HLA-DRB5: variants seen among roughly 807,000 people sequenced by gnomAD.
HLA-DRB5 encodes the protein DR beta-5.
A neutral mutation model predicts 22.4 loss-of-function variants in HLA-DRB5; 11 were observed. The ratio of observed to expected loss-of-function variants is 0.49; its 90% CI spans 0.31 to 0.81. The LOEUF is 0.81. Among genes scored for constraint, HLA-DRB5 ranks in the 40% least tolerant of loss-of-function variants. The probability of loss-of-function intolerance (pLI) is 0.05; values close to 1 mark genes in which losing one functional copy is unlikely to be tolerated. For synonymous variants in HLA-DRB5, 57 were observed against 106.0 expected (o/e 0.54, Z 2.84); for missense variants, 106 against 274.4 (o/e 0.39, Z 4.34).
At position 32,530,133 on chromosome 6, in the gene HLA-DRB5, T is replaced by G; in HGVS notation, c.92A>C (p.Asp31Ala). The change falls in exon 1 of 6, where the codon GAC becomes GCC. Residue 31 changes from aspartate (D) to alanine (A), a missense_variant. Physicochemically the swap from Asp to Ala is moderately radical, Grantham distance 126. Transcript: ENST00000374975. ...CCACAATGTGCACTTACGTCGGGTG[T>G]CCCCAGCCAAAGCCAGTGGGGAGCT... is the stretch of plus-strand genomic sequence containing the variant. ...VLSSPLALAG[D>A]TRPRFLQQDK... 1 of 1,505,288 alleles carries G rather than the reference T, an allele frequency of 6.6e-7. No individual in the cohort carries two copies. Among genetic ancestry groups the G allele is most frequent in the Non-Finnish European group, 9.0e-7 (1 of 1,110,650 alleles). The allele number at this position is 1,505,288 out of a possible 1,614,324, so 93.2% of individuals were successfully genotyped here. A position where few individuals can be genotyped will look rare whatever the true frequency, so the allele number is the denominator to read the frequency against.
intron 1 of HLA-DRB5, among the ~76,000 whole-genome samples, chr6:32,526,422 C>G (rs796136636): frequency 0.024 from 662 of 28,158 alleles, 324 homozygotes; most frequent in Admixed American, 0.034. Flanking sequence ...AGACAATCTC[C>G]CTATGTAACC....
At position 32,523,831 on chromosome 6, in the gene HLA-DRB5, A is replaced by G. The variant is rs1351437603; in HGVS notation, c.101-1657T>C. Among the ~76,000 whole-genome samples, 2 of 114,172 alleles carry G rather than the reference A, an allele frequency of 1.8e-5. 1 individual carries two copies. The highest frequency in any genetic ancestry group is 5.9e-5 in the African/African-American group (2 of 33,812). The allele number at this position is 114,172 out of a possible 152,430, so 74.9% of individuals were successfully genotyped here. ...AGATGTGAGTCTAGAATTTTCAGAA[A>G]GAGCACAGTGTGAAACAGTGCTCTC... On this transcript the variant is annotated intron_variant, in intron 1 of 5. Coordinates refer to ENST00000374975, the MANE Select transcript of HLA-DRB5 (RefSeq NM_002125.4).
chr6:32,527,633 T>C (rs1769760320), intron 1 of HLA-DRB5, among the ~76,000 whole-genome samples: 1 of 41,210 alleles, frequency 2.4e-5, no homozygotes. Context: ...TCCCAGCACT[T>C]TGGGAGTCTC....
rs1328703513 is a variant in HLA-DRB5 at position 32,527,101 on chromosome 6, A to AGCCATGT, written c.100+3023_100+3024insACATGGC. Among the ~76,000 whole-genome samples the AGCCATGT allele has an allele frequency of 5.2e-3, 264 of 50,838 alleles. 2 individuals are homozygous for AGCCATGT. The highest frequency in any genetic ancestry group is 0.029 in the Middle Eastern group (2 of 68). 33.4% of individuals were successfully genotyped at this position (50,838 alleles called of 152,430 possible). On this transcript the variant is annotated intron_variant, in intron 1 of 5. Coordinates refer to ENST00000374975, the MANE Select transcript of HLA-DRB5 (RefSeq NM_002125.4). ...ACTGTCTTTATCACTAGTGAACTCA[A>AGCCATGT]GCCTATTTTCCCTGAGGATTCCCTG...
intron 2 of HLA-DRB5, among the ~76,000 whole-genome samples, chr6:32,521,219 A>T (rs73726172): frequency 1.0e-3 from 13 of 12,678 alleles, no homozygotes; most frequent in East Asian, 2.0e-3. Context: ...AAATAGTAAC[A>T]GTGTATTAAA....
At position 32,521,955 on chromosome 6, in the gene HLA-DRB5, T is replaced by A. The variant is rs1064677; in HGVS notation, c.320A>T (p.Tyr107Phe). The A allele has an allele frequency of 0.074, 98,674 of 1,339,688 alleles. 12,728 individuals are homozygous for A. Among genetic ancestry groups the A allele is most frequent in the East Asian group, 0.14 (5,474 of 40,078 alleles). 83.0% of individuals were successfully genotyped at this position (1,339,688 alleles called of 1,614,324 possible). A position where few individuals can be genotyped will look rare whatever the true frequency, so the allele number is the denominator to read the frequency against. The change falls in exon 2 of 6, where the codon TAC becomes TTC. Residue 107 changes from tyrosine to phenylalanine, a missense_variant. Coordinates refer to ENST00000374975, the MANE Select transcript of HLA-DRB5 (RefSeq NM_002125.4). Reference protein sequence around the residue: ...LEDRRAAVDTYCRHNYGVGES... With the variant: ...LEDRRAAVDTFCRHNYGVGES... ...ACCAACCCCGTAGTTGTGTCTGCAG[T>A]AGGTGTCCACCGCGGCGCGCCTGTC...
chr6:32,519,148 A>AAAAAAAAAAG, intron 3 of HLA-DRB5, among the ~76,000 whole-genome samples: 3 of 86,820 alleles, frequency 3.5e-5, no homozygotes, highest in Admixed American at 1.2e-4. Flanking sequence ...GAGGTTCAAA[A>AAAAAAAAAAG]CAGGGACAGC....
intron 1 of HLA-DRB5, among the ~76,000 whole-genome samples, chr6:32,524,192 TGC>T: frequency 9.2e-6 from 1 of 108,844 alleles, no homozygotes; most frequent in Non-Finnish European, 1.9e-5. Flanking sequence ...ATAAAACGAA[TGC>T]TTTATAGAAT....
chr6:32,524,839 G>A (rs980722601), intron 1 of HLA-DRB5, among the ~76,000 whole-genome samples: 5,286 of 58,750 alleles, frequency 0.09, 1,143 homozygotes, highest in Middle Eastern at 0.12. Context: ...AGGATGCCCA[G>A]GTAAATCTGG....
At chr6:32,523,769 A>AAAG (rs1769248108) in intron 1 of HLA-DRB5, among the ~76,000 whole-genome samples, 1 of 32,104 alleles carries the variant, frequency 3.1e-5, no homozygotes, top group African/African-American at 1.4e-4. Context: ...AGCAAAAATA[A>AAAG]ACCATAAAGA....
At chr6:32,528,184 C>G (rs1302668135) in intron 1 of HLA-DRB5, among the ~76,000 whole-genome samples, 12,532 of 54,428 alleles carry the variant, frequency 0.23, 188 homozygotes, top group Middle Eastern at 0.3. Flanking sequence ...AAGTAGGGCT[C>G]TCTAGACATA....
chr6:32,524,857 A>G (rs188086129), intron 1 of HLA-DRB5, among the ~76,000 whole-genome samples: 2,134 of 50,330 alleles, frequency 0.042, 68 homozygotes, highest in East Asian at 0.098. Context: ...TGGATTTCCA[A>G]TAAATTGTGG....
intron 4 of HLA-DRB5, among the ~76,000 whole-genome samples, chr6:32,518,315 T>C (rs556705917): frequency 0.018 from 628 of 35,442 alleles, 1 homozygote; most frequent in Non-Finnish European, 0.024. Context: ...GCTCCAGGAT[T>C]TCAAACCAAA....
In HLA-DRB5 at chr6:32,521,894, AC is replaced by A. The variant is rs754809323; in HGVS notation, c.370+10del. The A allele has an allele frequency of 1.3e-6, 1 of 799,748 alleles. No homozygotes were observed. The highest frequency in any genetic ancestry group is 1.7e-5 in the South Asian group (1 of 58,784). 49.5% of individuals were successfully genotyped at this position (799,748 alleles called of 1,614,324 possible). The stretch of plus-strand genomic sequence containing the variant: ...CACAAGGACCCAGGCCCCGCCCCCC[AC>A]CATGCTCACCTCGCCGCTGCACTGT... On this transcript the variant is annotated intron_variant, in intron 2 of 5. Coordinates refer to ENST00000374975, the MANE Select transcript of HLA-DRB5 (RefSeq NM_002125.4).
At chr6:32,522,939 C>A (rs1769125585) in intron 1 of HLA-DRB5, among the ~76,000 whole-genome samples, 1 of 103,414 alleles carries the variant, frequency 9.7e-6, no homozygotes, top group Non-Finnish European at 2.0e-5. Context: ...TTAGGAAATA[C>A]CATGCACAAA....
At position 32,520,246 on chromosome 6, in the gene HLA-DRB5, A is replaced by T. The variant is rs192502290; in HGVS notation, c.371-595T>A. Among the ~76,000 whole-genome samples the T allele has an allele frequency of 6.3e-3, 331 of 52,392 alleles. 5 individuals carry two copies. The highest frequency in any genetic ancestry group is 0.015 in the Middle Eastern group (1 of 66). The allele number at this position is 52,392 out of a possible 152,430, so 34.4% of individuals were successfully genotyped here. ...TCATCCTTGTACAGTTTGAGAGAAA[A>T]ATATGATTTAAAGTAATGTGGATAG... On this transcript the variant is annotated intron_variant, in intron 2 of 5. Coordinates refer to ENST00000374975, the MANE Select transcript of HLA-DRB5 (RefSeq NM_002125.4).
Position 32,521,947 on chromosome 6 carries a change from G to C in HLA-DRB5, c.328C>G (p.His110Asp). ...AAGCTCTCACCAACCCCGTAGTTGT[G>C]TCTGCAGTAGGTGTCCACCGCGGCG... ...RRAAVDTYCR[H>D]NYGVGESFTV... The change falls in exon 2 of 6, where the codon CAC becomes GAC. Residue 110 changes from histidine to aspartate, a missense_variant. By Grantham distance (81) the His-to-Asp change is moderately conservative. Transcript: ENST00000374975. 7.2e-7 allele frequency: 1 copy of C among 1,387,186 alleles called. No individual in the cohort carries two copies. The highest frequency in any genetic ancestry group is 1.2e-5 in the South Asian group (1 of 82,092). The allele number at this position is 1,387,186 out of a possible 1,614,324, so 85.9% of individuals were successfully genotyped here.
Position 32,518,586 on chromosome 6 carries a change from C to T in HLA-DRB5, c.733G>A (p.Gly245Arg). ...FVLGLLFLGAGLFIYFKNQKG... is the reference protein window; with the variant it reads ...FVLGLLFLGARLFIYFKNQKG... ...TGATTCTTGAAGTAGATGAATAGCC[C>T]GGCCCCAAGGAAGAGCAGGCCCAGC... is the stretch of plus-strand genomic sequence containing the variant. The change falls in exon 4 of 6, where the codon GGG (glycine) becomes AGG (arginine). Residue 245 changes from glycine (G) to arginine (R), a missense_variant. Coordinates refer to ENST00000374975, the MANE Select transcript of HLA-DRB5 (RefSeq NM_002125.4). 5 of 608,044 alleles carry T rather than the reference C, an allele frequency of 8.2e-6. 2 individuals carry two copies. Among genetic ancestry groups the T allele is most frequent in the Non-Finnish European group, 1.1e-5 (5 of 439,758 alleles). 37.7% of individuals were successfully genotyped at this position (608,044 alleles called of 1,614,324 possible).
chr6:32,520,297 AGGAG>A (rs1768671420), intron 2 of HLA-DRB5, among the ~76,000 whole-genome samples: 700 of 68,604 alleles, frequency 0.01, 9 homozygotes, highest in South Asian at 0.013. Flanking sequence ...AGGGTACAAA[AGGAG>A]ACTGAGTATG....
Sources: gnomAD v4.1 joint callset for allele counts (sites outside exome capture counted in the v4.1 genomes callset) on GRCh38, gnomAD v4.1.1 for gene constraint, MANE v1.5 for transcripts, NCBI Gene and HGNC (gene_info 2026-07-23, HGNC 2026-07-21) for gene names.